GLIS3: variants seen among roughly 807,000 people sequenced by gnomAD.
The protein encoded by GLIS3 is GLIS family zinc finger 3, also known as zinc finger protein GLIS3.
Under a neutral mutation model 78.6 loss-of-function variants are expected in GLIS3, and 53 were observed. The observed-to-expected ratio is 0.67, with a 90% CI of 0.54 to 0.85. GLIS3 has a LOEUF of 0.85. Ranked by LOEUF, GLIS3 falls within the 40% of genes least tolerant of loss-of-function variation. The pLI, the probability that GLIS3 is intolerant of heterozygous loss-of-function variation, is 0.00. For missense variants in GLIS3, 1,703 were observed against 1,231.1 expected (o/e 1.38, Z -5.74); for synonymous variants, 684 against 509.9 (o/e 1.34, Z -4.60).
chr9:3,935,841 C>A (rs1213126710), intron 5 of GLIS3, among the ~76,000 whole-genome samples: 1 of 152,130 alleles, frequency 6.6e-6, no homozygotes, highest in Non-Finnish European at 1.5e-5. Context: ...CTGGGTCCAT[C>A]CTACACCCAT....
At chr9:4,247,288 G>A (rs1056488398) in intron 2 of GLIS3, among the ~76,000 whole-genome samples, 3 of 152,126 alleles carry the variant, frequency 2.0e-5, no homozygotes, top group Middle Eastern at 3.4e-3. Context: ...CTGAAAGTAC[G>A]GTTGTTTTAA....
At chr9:4,371,329 G>A in the GLIS3 span, among the ~76,000 whole-genome samples, 14 of 152,126 alleles carry the variant, frequency 9.2e-5, no homozygotes, top group Non-Finnish European at 1.3e-4. Flanking sequence ...TCCCTCTTAT[G>A]GGCTGTCCCC....
upstream of GLIS3, among the ~76,000 whole-genome samples, chr9:4,300,285 G>A (rs1455188486): frequency 6.6e-6 from 1 of 151,930 alleles, no homozygotes; most frequent in Non-Finnish European, 1.5e-5. Flanking sequence ...CCAGAACAGG[G>A]TAACAGCAGG....
chr9:4,390,820 T>G, the GLIS3 span, among the ~76,000 whole-genome samples: 1 of 152,270 alleles, frequency 6.6e-6, no homozygotes, highest in East Asian at 1.9e-4. Flanking sequence ...GGGACAGGGT[T>G]TAGATCACTG....
At chr9:4,292,150 G>A (rs114889685) in intron 1 of GLIS3, among the ~76,000 whole-genome samples, 2,579 of 152,246 alleles carry the variant, frequency 0.017, 75 homozygotes, top group African/African-American at 0.057. Context: ...TACATTCAAT[G>A]AAGTATTCAT....
chr9:4,094,591 CTGAA>C (rs1345714123), intron 4 of GLIS3, among the ~76,000 whole-genome samples: 1 of 152,156 alleles, frequency 6.6e-6, no homozygotes, highest in African/African-American at 2.4e-5. Flanking sequence ...TCATAAATAA[CTGAA>C]TGAAAGTCAT....
At chr9:4,381,549 A>AT in the GLIS3 span, among the ~76,000 whole-genome samples, 1 of 152,200 alleles carries the variant, frequency 6.6e-6, no homozygotes, top group Non-Finnish European at 1.5e-5. Flanking sequence ...TCATTCTCTG[A>AT]TTTTATGAAC....
At chr9:4,395,130 G>C in the GLIS3 span, among the ~76,000 whole-genome samples, 1 of 152,164 alleles carries the variant, frequency 6.6e-6, no homozygotes, top group East Asian at 1.9e-4. Context: ...TTAATGTTAA[G>C]GGTTTTATGC....
chr9:4,291,620 G>T (rs1815987464), intron 1 of GLIS3, among the ~76,000 whole-genome samples: 2 of 151,966 alleles, frequency 1.3e-5, no homozygotes, highest in African/African-American at 4.8e-5. Flanking sequence ...GGAGAGGAAG[G>T]GAGTAGGAAA....
At chr9:3,917,712 G>T (rs1471597880) in intron 6 of GLIS3, among the ~76,000 whole-genome samples, 1 of 151,580 alleles carries the variant, frequency 6.6e-6, no homozygotes, top group Non-Finnish European at 1.5e-5. Flanking sequence ...CCTCACCCAG[G>T]TCCAAGTATA....
chr9:4,053,878 A>G (rs1444469323), intron 4 of GLIS3, among the ~76,000 whole-genome samples: 2 of 152,104 alleles, frequency 1.3e-5, no homozygotes, highest in Non-Finnish European at 2.9e-5. Flanking sequence ...CAGACCATCA[A>G]ACACGGCAAT....
the GLIS3 span, among the ~76,000 whole-genome samples, chr9:4,368,509 G>A: frequency 2.4e-4 from 37 of 152,194 alleles, no homozygotes; most frequent in African/African-American, 7.9e-4. Context: ...CACCACGCCC[G>A]GCTAATTTTG....
chr9:4,103,320 A>C (rs933827077), intron 4 of GLIS3, among the ~76,000 whole-genome samples: 2 of 152,156 alleles, frequency 1.3e-5, no homozygotes, highest in Non-Finnish European at 2.9e-5. Context: ...ACCTGAGTAC[A>C]ACCCATAAGA....
At chr9:4,244,078 C>T (rs1823577516) in intron 2 of GLIS3, among the ~76,000 whole-genome samples, 1 of 152,238 alleles carries the variant, frequency 6.6e-6, no homozygotes, top group African/African-American at 2.4e-5. Context: ...GAATTCCACT[C>T]ATCTTTCCAG....
intron 4 of GLIS3, among the ~76,000 whole-genome samples, chr9:4,093,362 C>T (rs748582797): frequency 2.0e-5 from 3 of 152,136 alleles, no homozygotes; most frequent in Non-Finnish European, 4.4e-5. Flanking sequence ...GAGTAAGGCC[C>T]CCTCTTGCAA....
the GLIS3 span, among the ~76,000 whole-genome samples, chr9:4,411,316 G>A: frequency 2.6e-5 from 4 of 151,954 alleles, no homozygotes; most frequent in Non-Finnish European, 4.4e-5. Context: ...CTATCTCTAC[G>A]CCTTTTTCAT....
chr9:3,936,214 A>C (rs1825890913), intron 5 of GLIS3, among the ~76,000 whole-genome samples: 1 of 152,160 alleles, frequency 6.6e-6, no homozygotes, highest in Non-Finnish European at 1.5e-5. Context: ...TGGCTTTGTT[A>C]AGCGCAGTGA....
the GLIS3 span, among the ~76,000 whole-genome samples, chr9:4,380,904 CTAGT>C: frequency 3.0e-4 from 46 of 152,122 alleles, no homozygotes; most frequent in East Asian, 8.5e-3. Flanking sequence ...TCCACAGGAG[CTAGT>C]TAGTGAAAAC....
intron 4 of GLIS3, among the ~76,000 whole-genome samples, chr9:4,033,030 T>C (rs1563968302): frequency 6.6e-6 from 1 of 152,000 alleles, no homozygotes; most frequent in Non-Finnish European, 1.5e-5. Flanking sequence ...ATTTTTTTGT[T>C]TTTTAGTAGA....
Sources: gnomAD v4.1 joint callset for allele counts (sites outside exome capture counted in the v4.1 genomes callset) on GRCh38, gnomAD v4.1.1 for gene constraint, MANE v1.5 for transcripts, NCBI Gene and HGNC (gene_info 2026-07-23, HGNC 2026-07-21) for gene names.